XRCC4: variants seen among roughly 807,000 people sequenced by gnomAD.
XRCC4 encodes the protein DNA repair protein XRCC4.
A neutral mutation model predicts 39.1 loss-of-function variants in XRCC4; 28 were observed. That is an observed-to-expected ratio of 0.72 (90% CI 0.53 to 0.98). The LOEUF (loss-of-function observed/expected upper bound fraction) is 0.98, where lower values mean the gene tolerates loss of function less well. XRCC4 is among the 50% of genes least tolerant of loss of function. The probability of loss-of-function intolerance (pLI) is 0.00; values close to 1 mark genes in which losing one functional copy is unlikely to be tolerated. For synonymous variants in XRCC4, 123 were observed against 126.4 expected (o/e 0.97, Z 0.18); for missense variants, 350 against 376.4 (o/e 0.93, Z 0.58).
chr5:83,145,670 T>G (rs1297759728), intron 3 of XRCC4, among the ~76,000 whole-genome samples: 1 of 152,212 alleles, frequency 6.6e-6, no homozygotes, highest in Admixed American at 6.5e-5. Context: ...ACTTTTCAAG[T>G]GCTGTGATTT....
intron 3 of XRCC4, among the ~76,000 whole-genome samples, chr5:83,141,983 AT>A (rs917577225): frequency 6.6e-6 from 1 of 152,078 alleles, no homozygotes; most frequent in Non-Finnish European, 1.5e-5. Context: ...GAAAGTTCTT[AT>A]TGCATGTGTG....
intron 3 of XRCC4, among the ~76,000 whole-genome samples, chr5:83,164,285 G>A (rs1358377164): frequency 1.3e-5 from 2 of 151,938 alleles, no homozygotes; most frequent in Admixed American, 6.6e-5. Context: ...AATTTCAAAC[G>A]TTTAAGTTGT....
chr5:83,276,101 A>T (rs549874241), intron 7 of XRCC4, among the ~76,000 whole-genome samples: 41 of 152,178 alleles, frequency 2.7e-4, no homozygotes, highest in African/African-American at 9.9e-4. Flanking sequence ...TTCAGTAGAA[A>T]CTCTACTTTG....
At chr5:83,208,254 T>C (rs550688079) in intron 6 of XRCC4, among the ~76,000 whole-genome samples, 1 of 152,174 alleles carries the variant, frequency 6.6e-6, no homozygotes, top group South Asian at 2.1e-4. Flanking sequence ...ACAATAGGCA[T>C]ACAATCATAC....
intron 1 of XRCC4, among the ~76,000 whole-genome samples, chr5:83,104,442 G>A (rs760340299): frequency 1.2e-4 from 19 of 152,130 alleles, no homozygotes; most frequent in Non-Finnish European, 2.4e-4. Context: ...TGGGGGAAAA[G>A]AAGTGGTAAA....
intron 3 of XRCC4, among the ~76,000 whole-genome samples, chr5:83,167,867 A>G (rs1025195259): frequency 6.6e-6 from 1 of 152,230 alleles, no homozygotes; most frequent in African/African-American, 2.4e-5. Flanking sequence ...ATGAATTAAC[A>G]TGACTAATAT....
At chr5:83,326,975 G>A (rs1416546161) in intron 7 of XRCC4, among the ~76,000 whole-genome samples, 1 of 152,032 alleles carries the variant, frequency 6.6e-6, no homozygotes, top group East Asian at 1.9e-4. Context: ...GTTAATCAGA[G>A]ATAAAAGCTC....
rs940386588 is a variant in XRCC4 at position 83,276,489 on chromosome 5, G to A, written c.893+17812G>A. On this transcript the variant is annotated intron_variant, in intron 7 of 7. Transcript: ENST00000396027. ...ATTAATGGGTTATCATGGGAATGAGGCTGATGGCTTTATATGAAGAAGAAG... is the reference window on the plus strand; with the variant it reads ...ATTAATGGGTTATCATGGGAATGAGACTGATGGCTTTATATGAAGAAGAAG... Among the ~76,000 whole-genome samples the A allele has an allele frequency of 2.3e-5, 3 of 133,310 alleles. No individual in the cohort carries two copies. In the South Asian group the frequency reaches 7.0e-4, roughly 31 times the overall value. The allele number at this position is 133,310 out of a possible 152,430, so 87.5% of individuals were successfully genotyped here. A position where few individuals can be genotyped will look rare whatever the true frequency, so the allele number is the denominator to read the frequency against.
At chr5:83,305,204 C>G (rs1349696754) in intron 7 of XRCC4, among the ~76,000 whole-genome samples, 1 of 152,002 alleles carries the variant, frequency 6.6e-6, no homozygotes, top group Non-Finnish European at 1.5e-5. Context: ...TTATTAAAAT[C>G]TTACATCAGT....
chr5:83,337,421 C>T (rs1234238913), intron 7 of XRCC4, among the ~76,000 whole-genome samples: 1 of 152,054 alleles, frequency 6.6e-6, no homozygotes, highest in Non-Finnish European at 1.5e-5. Context: ...CTGGAGGCTA[C>T]ATCAGAAAGG....
At chr5:83,320,521 A>C (rs1277304163) in intron 7 of XRCC4, among the ~76,000 whole-genome samples, 2 of 152,032 alleles carry the variant, frequency 1.3e-5, no homozygotes, top group East Asian at 3.9e-4. Context: ...TATTGACTCC[A>C]ATTTTGAAAG....
intron 3 of XRCC4, among the ~76,000 whole-genome samples, chr5:83,183,842 T>C (rs1011117705): frequency 1.2e-4 from 18 of 152,156 alleles, no homozygotes; most frequent in Admixed American, 3.9e-4. Flanking sequence ...AAATAGATGT[T>C]AAAAAGATGC....
intron 3 of XRCC4, among the ~76,000 whole-genome samples, chr5:83,188,734 T>G (rs1367012129): frequency 6.6e-6 from 1 of 152,114 alleles, no homozygotes; most frequent in African/African-American, 2.4e-5. Flanking sequence ...AGATACAGAT[T>G]TGGCAGTTTT....
In XRCC4 at chr5:83,353,064, A is replaced by G. The variant is rs3777015; in HGVS notation, c.894-67A>G. The G allele has an allele frequency of 0.046, 59,192 of 1,295,096 alleles. 1,772 individuals carry two copies. Among genetic ancestry groups the G allele is most frequent in the South Asian group, 0.12 (8,311 of 67,794 alleles). The allele number at this position is 1,295,096 out of a possible 1,614,324, so 80.2% of individuals were successfully genotyped here. On this transcript the variant is annotated intron_variant, in intron 7 of 7. Transcript: ENST00000396027. ...TGTCATTTCACTTATGTGTCTCTTC[A>G]TTTTCTTTTACTCTATAACAGAAGT...
At chr5:83,370,790 C>T in the XRCC4 span, among the ~76,000 whole-genome samples, 1 of 152,152 alleles carries the variant, frequency 6.6e-6, no homozygotes, top group Non-Finnish European at 1.5e-5. Flanking sequence ...AGCGAATTCT[C>T]TCTATTCCCA....
intron 3 of XRCC4, among the ~76,000 whole-genome samples, chr5:83,165,085 T>C (rs1021849079): frequency 2.6e-5 from 4 of 152,052 alleles, no homozygotes; most frequent in African/African-American, 9.7e-5. Flanking sequence ...ATCCTAAAAT[T>C]TTACAGCTTT....
intron 3 of XRCC4, among the ~76,000 whole-genome samples, chr5:83,154,329 A>G (rs988557167): frequency 6.6e-6 from 1 of 152,346 alleles, no homozygotes; most frequent in African/African-American, 2.4e-5. Context: ...CCAAAATCCA[A>G]TATTTGAAAT....
At chr5:83,360,556 A>G in the XRCC4 span, among the ~76,000 whole-genome samples, 1 of 152,140 alleles carries the variant, frequency 6.6e-6, no homozygotes, top group Non-Finnish European at 1.5e-5. Context: ...TGTGAATGAA[A>G]TAACAATATG....
At chr5:83,344,828 C>A (rs992509902) in intron 7 of XRCC4, among the ~76,000 whole-genome samples, 2 of 152,076 alleles carry the variant, frequency 1.3e-5, no homozygotes, top group Admixed American at 1.3e-4. Flanking sequence ...ACAGTTACTA[C>A]CAAATTGTTT....
Sources: gnomAD v4.1 joint callset for allele counts (sites outside exome capture counted in the v4.1 genomes callset) on GRCh38, gnomAD v4.1.1 for gene constraint, MANE v1.5 for transcripts, NCBI Gene and HGNC (gene_info 2026-07-23, HGNC 2026-07-21) for gene names.